The following STPG2 variants were observed in gnomAD, a reference collection of about 807,000 sequenced individuals.
STPG2 encodes the protein sperm tail PG-rich repeat containing 2, also known as sperm-tail PG-rich repeat-containing protein 2.
In STPG2, 56 loss-of-function variants were observed where a neutral mutation model predicts 54.2. The ratio of observed to expected loss-of-function variants is 1.03; its 90% CI spans 0.83 to 1.29. The LOEUF is 1.29. STPG2 is among the 50% of genes most tolerant of loss of function. The probability of loss-of-function intolerance (pLI) is 0.00; values close to 1 mark genes in which losing one functional copy is unlikely to be tolerated. For synonymous variants in STPG2, 200 were observed against 181.8 expected (o/e 1.10, Z -0.81); for missense variants, 596 against 544.9 (o/e 1.09, Z -0.93).
chr4:97,470,353 T>C (rs1381453352), intron 4 of STPG2, among the ~76,000 whole-genome samples: 1 of 152,112 alleles, frequency 6.6e-6, no homozygotes, highest in Admixed American at 6.6e-5. Flanking sequence ...TTTTCTGTGT[T>C]TTATAGTGTG....
At chr4:97,874,464 A>G (rs916510443) in intron 8 of STPG2, among the ~76,000 whole-genome samples, 2 of 151,756 alleles carry the variant, frequency 1.3e-5, no homozygotes, top group Non-Finnish European at 3.0e-5. Flanking sequence ...CAAACAATAA[A>G]AATTTTCACC....
intron 1 of STPG2, among the ~76,000 whole-genome samples, chr4:98,135,844 T>C (rs2110169390): frequency 6.6e-6 from 1 of 151,934 alleles, no homozygotes; most frequent in Middle Eastern, 3.4e-3. Flanking sequence ...ACATTCTACT[T>C]ACTCAGGGTA....
chr4:97,547,435 C>A (rs1243927902), intron 4 of STPG2, among the ~76,000 whole-genome samples: 2 of 152,176 alleles, frequency 1.3e-5, no homozygotes, highest in Non-Finnish European at 2.9e-5. Context: ...TGGTCTCAAT[C>A]TCCTGACCTT....
At chr4:97,809,878 T>G (rs1727683050) in intron 9 of STPG2, among the ~76,000 whole-genome samples, 1 of 152,112 alleles carries the variant, frequency 6.6e-6, no homozygotes, top group Non-Finnish European at 1.5e-5. Context: ...AGCCACTGTA[T>G]TTGTGGCAAT....
intron 10 of STPG2, among the ~76,000 whole-genome samples, chr4:97,619,605 T>C (rs551934144): frequency 1.3e-5 from 2 of 151,568 alleles, no homozygotes; most frequent in African/African-American, 4.8e-5. Flanking sequence ...TTGTACCCTG[T>C]TATCTTTTTC....
intron 10 of STPG2, among the ~76,000 whole-genome samples, chr4:97,699,675 G>A (rs1225902960): frequency 6.6e-6 from 1 of 152,166 alleles, no homozygotes; most frequent in African/African-American, 2.4e-5. Context: ...CCTAGAAAGA[G>A]GCTGTAGTGC....
At chr4:97,448,608 C>T (rs1014296086) in intron 4 of STPG2, among the ~76,000 whole-genome samples, 6 of 152,128 alleles carry the variant, frequency 3.9e-5, no homozygotes, top group Admixed American at 2.0e-4. Context: ...CATATGCCTT[C>T]CACCATGATT....
chr4:97,894,861 T>A (rs1231443172), intron 8 of STPG2, among the ~76,000 whole-genome samples: 1 of 151,898 alleles, frequency 6.6e-6, no homozygotes, highest in African/African-American at 2.4e-5. Context: ...AAGAAATGGA[T>A]TTCTAAATTT....
intron 5 of STPG2, among the ~76,000 whole-genome samples, chr4:98,093,990 T>G (rs1251560336): frequency 2.0e-5 from 3 of 152,158 alleles, no homozygotes; most frequent in Non-Finnish European, 2.9e-5. Context: ...ACAGAAGGAC[T>G]GCAATTTCTA....
At chr4:97,646,025 G>C (rs1405949997) in intron 10 of STPG2, among the ~76,000 whole-genome samples, 1 of 151,934 alleles carries the variant, frequency 6.6e-6, no homozygotes, top group African/African-American at 2.4e-5. Flanking sequence ...AATAAATATT[G>C]GGCTCAATGA....
chr4:97,886,143 A>T (rs1462127693), intron 8 of STPG2, among the ~76,000 whole-genome samples: 2 of 152,208 alleles, frequency 1.3e-5, no homozygotes, highest in Non-Finnish European at 2.9e-5. Flanking sequence ...TTATAGCTAC[A>T]TATGTAAAGA....
At chr4:97,456,595 A>G (rs1308255222) in intron 4 of STPG2, among the ~76,000 whole-genome samples, 1 of 152,068 alleles carries the variant, frequency 6.6e-6, no homozygotes, top group Non-Finnish European at 1.5e-5. Context: ...AAACTCAACA[A>G]TAAGAAAATA....
intron 10 of STPG2, among the ~76,000 whole-genome samples, chr4:97,665,793 T>C (rs547550408): frequency 1.3e-5 from 2 of 152,198 alleles, no homozygotes; most frequent in East Asian, 3.9e-4. Context: ...CCCATGCTCA[T>C]TGGTGCCCAA....
chr4:97,902,884 GA>G (rs1252033416), intron 8 of STPG2, among the ~76,000 whole-genome samples: 2 of 152,094 alleles, frequency 1.3e-5, no homozygotes, highest in Non-Finnish European at 2.9e-5. Flanking sequence ...GCCAAGATAT[GA>G]AATCAACATA....
At chr4:97,804,262 T>C (rs968117369) in intron 9 of STPG2, among the ~76,000 whole-genome samples, 3 of 152,134 alleles carry the variant, frequency 2.0e-5, no homozygotes, top group African/African-American at 4.8e-5. Context: ...AATCGTGAGC[T>C]GCAAAACAAT....
intron 4 of STPG2, among the ~76,000 whole-genome samples, 199 bp from the exon 5 acceptor site, chr4:98,106,263 A>G (rs1415748333): frequency 6.6e-6 from 1 of 152,090 alleles, no homozygotes; most frequent in Admixed American, 6.6e-5. Context: ...ATTTTTTTCC[A>G]ATTCAGATCA....
In STPG2 at chr4:97,999,705, C is replaced by CA. The variant is rs569362725; in HGVS notation, c.613-18388dup. On this transcript the variant is annotated intron_variant, in intron 5 of 10. Coordinates refer to ENST00000295268, the MANE Select transcript of STPG2 (RefSeq NM_174952.3). ...CGGAGTGAGACTCTGTCTCAAAAAA[C>CA]AAAAAAGAAACCAGGGCAAGGTTGG... Among the ~76,000 whole-genome samples, 257 of 149,754 alleles carry CA rather than the reference C, an allele frequency of 1.7e-3. 1 individual carries two copies. The highest frequency in any genetic ancestry group is 6.2e-3 in the African/African-American group (251 of 40,676).
At chr4:97,663,181 C>T (rs928204408) in intron 10 of STPG2, among the ~76,000 whole-genome samples, 1 of 151,992 alleles carries the variant, frequency 6.6e-6, no homozygotes, top group Non-Finnish European at 1.5e-5. Flanking sequence ...TTGGTGAAGT[C>T]CCAGCTTAAT....
intron 4 of STPG2, among the ~76,000 whole-genome samples, chr4:97,495,019 GAC>G (rs1426950956): frequency 6.6e-6 from 1 of 151,444 alleles, no homozygotes; most frequent in Non-Finnish European, 1.5e-5. Flanking sequence ...GCTAAAAAAT[GAC>G]AGTGTTCCCA....
Sources: gnomAD v4.1 joint callset for allele counts (sites outside exome capture counted in the v4.1 genomes callset) on GRCh38, gnomAD v4.1.1 for gene constraint, MANE v1.5 for transcripts, NCBI Gene and HGNC (gene_info 2026-07-23, HGNC 2026-07-21) for gene names.